Variants in PACRG observed in about 807,000 individuals in gnomAD.
PACRG encodes parkin coregulated.
PACRG carries 29 observed loss-of-function variants against 29.7 expected under a neutral mutation model. The ratio of observed to expected loss-of-function variants is 0.98; its 90% CI spans 0.73 to 1.33. The LOEUF (loss-of-function observed/expected upper bound fraction) is 1.33, where lower values mean the gene tolerates loss of function less well. PACRG is among the 40% of genes most tolerant of loss of function. PACRG has a pLI of 0.00. For synonymous variants in PACRG, 116 were observed against 118.7 expected, an observed-to-expected ratio of 0.98 and a Z score of 0.15; for missense variants, 279 against 316.2, an observed-to-expected ratio of 0.88 and a Z score of 0.89.
intron 2 of PACRG, chr6:163,044,733 C>T (rs1585076925): frequency 6.6e-6 from 1 of 152,370 alleles, no homozygotes; most frequent in African/African-American, 2.4e-5. Context: ...GAGTCCCACT[C>T]TTTGTGAGTT....
intron 2 of PACRG, among the ~76,000 whole-genome samples, chr6:163,023,889 T>C (rs2128222494): frequency 6.6e-6 from 1 of 152,356 alleles, no homozygotes; most frequent in Non-Finnish European, 1.5e-5. Context: ...GAGAAGTGTC[T>C]GTTCATGTTT....
intron 2 of PACRG, among the ~76,000 whole-genome samples, chr6:162,978,310 T>G (rs967793200): frequency 6.6e-6 from 1 of 152,210 alleles, no homozygotes; most frequent in Non-Finnish European, 1.5e-5. Context: ...TTTACTGACT[T>G]AGAAAGATGC....
chr6:163,244,276 A>C (rs1339720173), intron 4 of PACRG, among the ~76,000 whole-genome samples: 1 of 151,964 alleles, frequency 6.6e-6, no homozygotes, highest in Non-Finnish European at 1.5e-5. Flanking sequence ...CTTCATTTGC[A>C]TTCAGTTTGG....
intron 4 of PACRG, among the ~76,000 whole-genome samples, chr6:163,121,316 A>G (rs1227944511): frequency 2.0e-5 from 3 of 152,216 alleles, no homozygotes; most frequent in Admixed American, 6.5e-5. Context: ...CAATTGCCTT[A>G]TATTTTAGTG....
At chr6:163,252,806 C>T (rs902090867) in intron 4 of PACRG, among the ~76,000 whole-genome samples, 8 of 152,186 alleles carry the variant, frequency 5.3e-5, no homozygotes, top group Non-Finnish European at 1.2e-4. Flanking sequence ...GTAGTGACTA[C>T]GTTATACTCT....
At chr6:163,107,040 G>A (rs779215445) in intron 4 of PACRG, among the ~76,000 whole-genome samples, 1 of 152,154 alleles carries the variant, frequency 6.6e-6, no homozygotes. Flanking sequence ...TTAGGGCATG[G>A]TGGATCTTCA....
intron 1 of PACRG, among the ~76,000 whole-genome samples, chr6:162,739,500 T>C (rs1780407069): frequency 6.6e-6 from 1 of 152,188 alleles, no homozygotes; most frequent in African/African-American, 2.4e-5. Flanking sequence ...AATTTAACTT[T>C]AGGTATTTAT....
chr6:163,227,091 G>T (rs557381511), intron 4 of PACRG, among the ~76,000 whole-genome samples: 3 of 152,222 alleles, frequency 2.0e-5, no homozygotes, highest in African/African-American at 7.2e-5. Flanking sequence ...GGCCATTCTT[G>T]CATTGCTATA....
At chr6:163,008,059 A>G (rs1278105433) in intron 2 of PACRG, among the ~76,000 whole-genome samples, 2 of 152,200 alleles carry the variant, frequency 1.3e-5, no homozygotes, top group Non-Finnish European at 2.9e-5. Context: ...TACAAACTCT[A>G]GAAGCACATT....
At chr6:162,796,343 T>C (rs778501175) in intron 1 of PACRG, among the ~76,000 whole-genome samples, 3 of 152,142 alleles carry the variant, frequency 2.0e-5, no homozygotes, top group Non-Finnish European at 4.4e-5. Flanking sequence ...TTATATTTAT[T>C]AATAGCTGAG....
intron 3 of PACRG, among the ~76,000 whole-genome samples, chr6:163,081,929 A>G (rs1388594368): frequency 6.6e-6 from 1 of 152,212 alleles, no homozygotes; most frequent in Non-Finnish European, 1.5e-5. Context: ...ACCTGACCAA[A>G]AAAGGAGAGA....
At chr6:163,068,482 C>CTTTT (rs1554350061) in intron 3 of PACRG, among the ~76,000 whole-genome samples, 2,845 of 132,804 alleles carry the variant, frequency 0.021, 101 homozygotes, top group African/African-American at 0.07. Flanking sequence ...TACTTTAATG[C>CTTTT]TTTTTTTTTT....
chr6:162,949,908 C>G (rs989436882), intron 2 of PACRG, among the ~76,000 whole-genome samples: 10 of 152,114 alleles, frequency 6.6e-5, no homozygotes, highest in African/African-American at 2.2e-4. Context: ...GTTTCTGGGC[C>G]TCTCTCCTAG....
intron 4 of PACRG, among the ~76,000 whole-genome samples, chr6:163,311,839 A>G (rs910494696): frequency 6.6e-6 from 1 of 152,192 alleles, no homozygotes; most frequent in African/African-American, 2.4e-5. Context: ...AGAACATGAG[A>G]TAAAGTTCTG....
intron 2 of PACRG, among the ~76,000 whole-genome samples, chr6:162,949,881 C>A (rs568103585): frequency 6.6e-6 from 1 of 152,228 alleles, no homozygotes; most frequent in East Asian, 1.9e-4. Flanking sequence ...AGCCTTTTAA[C>A]AGATGCTGTC....
rs182312123 is a variant in PACRG, at chr6:163,232,481, G to A, written c.614-82346G>A. Among the ~76,000 whole-genome samples the A allele has an allele frequency of 4.1e-4, 63 of 152,254 alleles. 1 individual carries two copies. The East Asian group carries it at 0.011, about 26-fold the overall frequency. On this transcript the variant is annotated intron_variant, in intron 4 of 4. Transcript: ENST00000366888. ...GAAAAAGAGGAAAGGAGGAACAAAG[G>A]AAGAGGAGAAGGAAGAAGGCAGTGC...
intron 4 of PACRG, among the ~76,000 whole-genome samples, chr6:163,273,309 G>A (rs1783909428): frequency 6.6e-6 from 1 of 152,066 alleles, no homozygotes; most frequent in South Asian, 2.1e-4. Context: ...CAGTATCAAT[G>A]TTATACTTCC....
At chr6:162,870,879 C>T (rs1296340352) in intron 2 of PACRG, among the ~76,000 whole-genome samples, 2 of 152,208 alleles carry the variant, frequency 1.3e-5, no homozygotes, top group East Asian at 3.9e-4. Context: ...CTAATCTCTT[C>T]CTTCCTCCCT....
rs199652244 is a variant in PACRG, at chr6:163,208,418, T to A, written c.614-106409T>A. ...GAATCTAAGCTACATTTTACTTTTT[T>A]TAAAAAAAAAAGATTGTCAGGTTAT... On this transcript the variant is annotated intron_variant, in intron 4 of 4. Coordinates refer to ENST00000366888, the MANE Select transcript of PACRG (RefSeq NM_001080379.2). 1.5e-3 allele frequency among the ~76,000 whole-genome samples: 208 copies of A among 140,704 alleles called. 2 individuals carry two copies. In the East Asian group the frequency reaches 0.027, roughly 18 times the overall value. 92.3% of individuals were successfully genotyped at this position (140,704 alleles called of 152,430 possible). A position where few individuals can be genotyped will look rare whatever the true frequency, so the allele number is the denominator to read the frequency against.
Sources: gnomAD v4.1 joint callset for allele counts (sites outside exome capture counted in the v4.1 genomes callset) on GRCh38, gnomAD v4.1.1 for gene constraint, MANE v1.5 for transcripts, NCBI Gene and HGNC (gene_info 2026-07-23, HGNC 2026-07-21) for gene names.